Variants in ZSWIM6 observed in about 807,000 individuals in gnomAD.
The protein encoded by ZSWIM6 is zinc finger SWIM-type containing 6.
Under a neutral mutation model 113.2 loss-of-function variants are expected in ZSWIM6, and 9 were observed. That is an observed-to-expected ratio of 0.08 (90% CI 0.05 to 0.14). The LOEUF is 0.14. Ranked by LOEUF, ZSWIM6 falls within the 10% of genes least tolerant of loss-of-function variation. ZSWIM6 has a pLI of 1.00. For synonymous variants in ZSWIM6, 611 were observed against 606.5 expected, an observed-to-expected ratio of 1.01 and a Z score of -0.11; for missense variants, 1,162 against 1,552.2, an observed-to-expected ratio of 0.75 and a Z score of 4.22.
intron 1 of ZSWIM6, among the ~76,000 whole-genome samples, chr5:61,409,962 T>A (rs2112112401): frequency 6.6e-6 from 1 of 152,352 alleles, no homozygotes; most frequent in South Asian, 2.1e-4. Flanking sequence ...CCCAGATTTG[T>A]AAAAGTGGCA....
At chr5:61,461,975 C>T (rs1747332212) in intron 1 of ZSWIM6, among the ~76,000 whole-genome samples, 1 of 152,012 alleles carries the variant, frequency 6.6e-6, no homozygotes, top group African/African-American at 2.4e-5. Flanking sequence ...ATATATCTAC[C>T]TCACTGTTCT....
chr5:61,353,123 A>T (rs1309752474), intron 1 of ZSWIM6, among the ~76,000 whole-genome samples: 1 of 152,126 alleles, frequency 6.6e-6, no homozygotes, highest in African/African-American at 2.4e-5. Context: ...GGGTAGAATG[A>T]TCTGCCACAT....
chr5:61,378,124 C>A (rs1745407798), intron 1 of ZSWIM6, among the ~76,000 whole-genome samples: 1 of 152,170 alleles, frequency 6.6e-6, no homozygotes. Context: ...AATGCACAGA[C>A]CTATTTGACC....
At chr5:61,375,511 A>C in intron 1 of ZSWIM6, 1 of 1,554,994 alleles carries the variant, frequency 6.4e-7, no homozygotes, top group South Asian at 1.2e-5. Context: ...ACAGAGAAAG[A>C]AAAAGAAGAA....
At chr5:61,493,963 A>AT (rs1748252585) in intron 3 of ZSWIM6, among the ~76,000 whole-genome samples, 1 of 152,080 alleles carries the variant, frequency 6.6e-6, no homozygotes, top group African/African-American at 2.4e-5. Context: ...AATTGAGAGC[A>AT]TTTTTTCTTC....
chr5:61,335,295 A>C (rs1171012224), intron 1 of ZSWIM6, among the ~76,000 whole-genome samples: 1 of 152,232 alleles, frequency 6.6e-6, no homozygotes, highest in African/African-American at 2.4e-5. Flanking sequence ...AAATTGTGGA[A>C]AATATTCTTT....
At chr5:61,333,000 G>C (rs372172766) in intron 1 of ZSWIM6, 52 bp downstream of exon 1, 40 of 433,636 alleles carry the variant, frequency 9.2e-5, no homozygotes, top group Non-Finnish European at 1.1e-4. Flanking sequence ...GTCCCTGGGT[G>C]GGGGGGGGGT....
At chr5:61,333,130 C>T (rs1347158411) in intron 1 of ZSWIM6, among the ~76,000 whole-genome samples, 182 bp downstream of exon 1, 1 of 151,718 alleles carries the variant, frequency 6.6e-6, no homozygotes, top group East Asian at 2.0e-4. Context: ...CCCTTCCCTG[C>T]CCCCCGTCGC....
At chr5:61,418,486 T>A (rs973077879) in intron 1 of ZSWIM6, among the ~76,000 whole-genome samples, 9 of 152,114 alleles carry the variant, frequency 5.9e-5, no homozygotes, top group Non-Finnish European at 1.3e-4. Flanking sequence ...CTCGAACTCC[T>A]GACCTCAGTT....
At chr5:61,358,925 CTTTGGCTGGCTCAAGAGCTGAGG>C (rs1486836744) in intron 1 of ZSWIM6, among the ~76,000 whole-genome samples, 1 of 152,180 alleles carries the variant, frequency 6.6e-6, no homozygotes, top group African/African-American at 2.4e-5. Context: ...ACACTACTGG[CTTTGGCTGGCTCAAGAGCTGAGG>C]TTTTGCTGTC....
chr5:61,384,247 C>CAA (rs57899277), intron 1 of ZSWIM6, among the ~76,000 whole-genome samples: 75 of 77,050 alleles, frequency 9.7e-4, no homozygotes, highest in Admixed American at 1.4e-3. Context: ...GACTCCGTCT[C>CAA]AAAAAAAAAA....
chr5:61,413,731 G>A (rs1028074113), intron 1 of ZSWIM6, among the ~76,000 whole-genome samples: 11 of 152,076 alleles, frequency 7.2e-5, no homozygotes, highest in Admixed American at 1.3e-4. Context: ...GGTGTGAGAT[G>A]GTATCTCATT....
At chr5:61,398,670 A>G (rs770880713) in intron 1 of ZSWIM6, among the ~76,000 whole-genome samples, 39 of 152,314 alleles carry the variant, frequency 2.6e-4, no homozygotes, top group Non-Finnish European at 4.4e-4. Flanking sequence ...TAAAAAATGC[A>G]TAGCACAGTA....
chr5:61,424,841 C>T (rs750813366), intron 1 of ZSWIM6, among the ~76,000 whole-genome samples: 2 of 151,448 alleles, frequency 1.3e-5, no homozygotes, highest in Non-Finnish European at 2.9e-5. Flanking sequence ...AATTCTCCTG[C>T]CTCAGCCTCC....
chr5:61,396,529 C>CA (rs60743291), intron 1 of ZSWIM6, among the ~76,000 whole-genome samples: 14,887 of 69,074 alleles, frequency 0.22, 1,049 homozygotes, highest in Middle Eastern at 0.27. Context: ...GACTCTGTCT[C>CA]AAAAAAAAAA....
chr5:61,393,466 T>C (rs1360965206), intron 1 of ZSWIM6, among the ~76,000 whole-genome samples: 1 of 152,210 alleles, frequency 6.6e-6, no homozygotes, highest in Admixed American at 6.5e-5. Flanking sequence ...AGAAGTAGAA[T>C]TGCTTATATA....
In ZSWIM6 at chr5:61,397,195, T is replaced by C. The variant is rs1039769859; in HGVS notation, c.676+64247T>C. On this transcript the variant is annotated intron_variant, in intron 1 of 13. Transcript: ENST00000252744. ...AAAACCATTAAATTAGTTCAGGCTG[T>C]ACCTTCCTGTCCGCCAAAAACATTA... Among the ~76,000 whole-genome samples, 7 of 152,358 alleles carry C rather than the reference T, an allele frequency of 4.6e-5. No homozygotes were observed. In the South Asian group the frequency reaches 1.0e-3, roughly 23 times the overall value.
chr5:61,439,991 A>G (rs556837938), intron 1 of ZSWIM6, among the ~76,000 whole-genome samples: 2 of 152,134 alleles, frequency 1.3e-5, no homozygotes, highest in Non-Finnish European at 2.9e-5. Flanking sequence ...TGAAATGCCA[A>G]ATCATGACTT....
chr5:61,394,070 A>G (rs1745788483), intron 1 of ZSWIM6, among the ~76,000 whole-genome samples: 1 of 152,172 alleles, frequency 6.6e-6, no homozygotes, highest in African/African-American at 2.4e-5. Context: ...GAATATTTAT[A>G]TTGATGCTCT....
Sources: gnomAD v4.1 joint callset for allele counts (sites outside exome capture counted in the v4.1 genomes callset) on GRCh38, gnomAD v4.1.1 for gene constraint, MANE v1.5 for transcripts, NCBI Gene and HGNC (gene_info 2026-07-23, HGNC 2026-07-21) for gene names.